Variants in LRRTM4 observed in about 807,000 individuals in gnomAD.
The protein encoded by LRRTM4 is leucine rich repeat transmembrane neuronal 4, also known as leucine-rich repeat transmembrane neuronal protein 4.
A neutral mutation model predicts 47.6 loss-of-function variants in LRRTM4; 25 were observed. The ratio of observed to expected loss-of-function variants is 0.53; its 90% CI spans 0.38 to 0.73. The LOEUF (loss-of-function observed/expected upper bound fraction) is 0.73. Ranked by LOEUF, LRRTM4 falls within the 30% of genes least tolerant of loss-of-function variation. The pLI is 0.00. For missense variants in LRRTM4, 638 were observed against 713.4 expected, an observed-to-expected ratio of 0.89 and a Z score of 1.20; for synonymous variants, 311 against 269.5, an observed-to-expected ratio of 1.15 and a Z score of -1.51.
chr2:77,093,190 ACT>A (rs1670704203), intron 3 of LRRTM4, among the ~76,000 whole-genome samples: 1 of 148,254 alleles, frequency 6.7e-6, no homozygotes, highest in South Asian at 2.1e-4. Flanking sequence ...GCCGGTTTAC[ACT>A]GTTTTTCCAA....
At chr2:77,173,875 A>G (rs1357014008) in intron 3 of LRRTM4, among the ~76,000 whole-genome samples, 1 of 152,062 alleles carries the variant, frequency 6.6e-6, no homozygotes, top group African/African-American at 2.4e-5. Context: ...CAGTACTATT[A>G]TTATCTTTGC....
chr2:77,420,160 G>A (rs1179643248), intron 3 of LRRTM4, among the ~76,000 whole-genome samples: 1 of 152,166 alleles, frequency 6.6e-6, no homozygotes, highest in Non-Finnish European at 1.5e-5. Context: ...GAGGACCTCA[G>A]GTCCTCTCCA....
intron 3 of LRRTM4, among the ~76,000 whole-genome samples, chr2:77,224,862 G>C (rs10188884): frequency 0.011 from 1,599 of 152,138 alleles, 22 homozygotes; most frequent in African/African-American, 0.037. Context: ...TCCCATTACT[G>C]GGTATATACC....
Position 76,855,566 on chromosome 2 carries a change from T to C in LRRTM4, c.1552-106650A>G, listed in dbSNP as rs79108508. ...ATCCCAATCTCTTTCTTTGTCTTCCTCATTCTATTTAACAAAACTACCAAA... is the reference window on the plus strand; with the variant it reads ...ATCCCAATCTCTTTCTTTGTCTTCCCCATTCTATTTAACAAAACTACCAAA... On this transcript the variant is annotated intron_variant, in intron 3 of 3. Transcript: ENST00000409884. Among the ~76,000 whole-genome samples, 150 of 152,330 alleles carry C rather than the reference T, an allele frequency of 9.8e-4. 3 individuals carry two copies. In the East Asian group the frequency reaches 0.026, roughly 27 times the overall value.
At chr2:76,899,229 G>T (rs1436948350) in intron 3 of LRRTM4, among the ~76,000 whole-genome samples, 2 of 149,288 alleles carry the variant, frequency 1.3e-5, no homozygotes, top group Admixed American at 1.3e-4. Flanking sequence ...AGAGATGCTG[G>T]GACACAGAAG....
At chr2:77,091,926 G>A (rs150607143) in intron 3 of LRRTM4, among the ~76,000 whole-genome samples, 25,553 of 130,930 alleles carry the variant, frequency 0.2, 3,806 homozygotes, top group African/African-American at 0.41. Context: ...TGGTTAGCGC[G>A]GTCAGAATTC....
chr2:76,947,980 T>C (rs1039550691), intron 3 of LRRTM4, among the ~76,000 whole-genome samples: 5 of 151,874 alleles, frequency 3.3e-5, no homozygotes, highest in Admixed American at 1.3e-4. Flanking sequence ...TCTTTCTTAA[T>C]TGCATGCTCT....
chr2:76,794,209 G>C (rs1416363698), intron 3 of LRRTM4, among the ~76,000 whole-genome samples: 2 of 152,166 alleles, frequency 1.3e-5, no homozygotes, highest in African/African-American at 2.4e-5. Context: ...TAAGCTTATA[G>C]CTTATTGAAT....
At chr2:76,907,803 A>G (rs1223422567) in intron 3 of LRRTM4, among the ~76,000 whole-genome samples, 2 of 136,406 alleles carry the variant, frequency 1.5e-5, no homozygotes, top group Non-Finnish European at 3.1e-5. Flanking sequence ...GAAGAAGTTG[A>G]ATCTCTGAAT....
At chr2:77,160,195 GT>G (rs1482755088) in intron 3 of LRRTM4, among the ~76,000 whole-genome samples, 1 of 152,154 alleles carries the variant, frequency 6.6e-6, no homozygotes, top group Non-Finnish European at 1.5e-5. Context: ...TCTGGACACA[GT>G]TTTCTCCAAC....
chr2:77,401,976 G>C (rs1673977511), intron 3 of LRRTM4, among the ~76,000 whole-genome samples: 1 of 151,866 alleles, frequency 6.6e-6, no homozygotes, highest in South Asian at 2.1e-4. Context: ...AATGCTTTAG[G>C]ATTGCTTATA....
chr2:77,248,214 G>A (rs1007824812), intron 3 of LRRTM4, among the ~76,000 whole-genome samples: 13 of 151,494 alleles, frequency 8.6e-5, no homozygotes, highest in Middle Eastern at 4.5e-3. Flanking sequence ...AAATAATTGT[G>A]TGTTTTATGT....
At chr2:76,874,198 T>A (rs993770038) in intron 3 of LRRTM4, among the ~76,000 whole-genome samples, 2 of 151,966 alleles carry the variant, frequency 1.3e-5, no homozygotes, top group Non-Finnish European at 2.9e-5. Flanking sequence ...TAAATCCTGT[T>A]CATCCTTCAT....
At chr2:77,271,075 C>A (rs1676178997) in intron 3 of LRRTM4, among the ~76,000 whole-genome samples, 1 of 152,120 alleles carries the variant, frequency 6.6e-6, no homozygotes, top group Non-Finnish European at 1.5e-5. Flanking sequence ...ACAATCTGCC[C>A]TTGTCATACC....
chr2:77,489,126 C>T (rs1291085160), intron 3 of LRRTM4, among the ~76,000 whole-genome samples: 1 of 26,260 alleles, frequency 3.8e-5, no homozygotes, highest in African/African-American at 1.7e-4. Flanking sequence ...TAATGATGGC[C>T]AAATGGTCTC....
At chr2:76,752,069 T>TTG (rs1462499350) in intron 3 of LRRTM4, among the ~76,000 whole-genome samples, 2 of 152,168 alleles carry the variant, frequency 1.3e-5, no homozygotes, top group Non-Finnish European at 2.9e-5. Context: ...GGTTGTGGTT[T>TTG]TGTTCACCGT....
chr2:77,294,430 A>G (rs1286048995), intron 3 of LRRTM4, among the ~76,000 whole-genome samples: 3 of 152,160 alleles, frequency 2.0e-5, no homozygotes, highest in Non-Finnish European at 2.9e-5. Context: ...GTATTCATAT[A>G]GGTTAAATAT....
At chr2:77,184,974 C>A (rs1673460301) in intron 3 of LRRTM4, among the ~76,000 whole-genome samples, 1 of 152,084 alleles carries the variant, frequency 6.6e-6, no homozygotes, top group Non-Finnish European at 1.5e-5. Context: ...TAAAGAAACT[C>A]TTTGTTGAGG....
chr2:76,829,414 A>G lies in LRRTM4; in HGVS notation c.1552-80498T>C, dbSNP rs556002430. Among the ~76,000 whole-genome samples the G allele has an allele frequency of 5.3e-5, 8 of 152,006 alleles. No homozygotes were observed. The East Asian group carries it at 1.4e-3, about 26-fold the overall frequency. On this transcript the variant is annotated intron_variant, in intron 3 of 3. Transcript: ENST00000409884. ...CTCCCTTGCCTAAGGATTCGGTTTAATCCTACTCTTAGCTATCTTTATTGA... is the reference window on the plus strand; with the variant it reads ...CTCCCTTGCCTAAGGATTCGGTTTAGTCCTACTCTTAGCTATCTTTATTGA...
Sources: allele counts gnomAD v4.1 joint callset (sites outside exome capture counted in the v4.1 genomes callset), GRCh38; gene constraint gnomAD v4.1.1; transcripts MANE v1.5; gene names NCBI Gene and HGNC (gene_info 2026-07-23, HGNC 2026-07-21).